ZBTB20: variants seen among roughly 807,000 people sequenced by gnomAD.
The protein encoded by ZBTB20 is zinc finger and BTB domain-containing protein 20.
In ZBTB20, 9 loss-of-function variants were observed where a neutral mutation model predicts 56.9. That is an observed-to-expected ratio of 0.16 (90% confidence interval 0.10 to 0.28). ZBTB20 has a LOEUF of 0.28. Ranked by LOEUF, ZBTB20 falls within the 10% of genes least tolerant of loss-of-function variation. The probability of loss-of-function intolerance (pLI) is 1.00; values close to 1 mark genes in which losing one functional copy is unlikely to be tolerated. For synonymous variants in ZBTB20, 417 were observed against 420.7 expected (o/e 0.99, Z 0.11); for missense variants, 655 against 1,003.0 (o/e 0.65, Z 4.69).
At chr3:115,138,959 G>A (rs1442615161) in intron 1 of ZBTB20, among the ~76,000 whole-genome samples, 4 of 144,202 alleles carry the variant, frequency 2.8e-5, no homozygotes, top group African/African-American at 1.2e-4. Context: ...ACTAAAACCA[G>A]CTTCCCTTAA....
intron 4 of ZBTB20, among the ~76,000 whole-genome samples, chr3:114,859,425 G>T (rs1334033137): frequency 1.4e-5 from 2 of 147,204 alleles, no homozygotes; most frequent in Non-Finnish European, 3.0e-5. Context: ...CTCTCCCTTA[G>T]TTTCTCTCTT....
intron 3 of ZBTB20, among the ~76,000 whole-genome samples, chr3:114,952,638 T>C (rs770595390): frequency 2.6e-5 from 4 of 151,036 alleles, no homozygotes; most frequent in Non-Finnish European, 5.9e-5. Context: ...ATAGAACTGC[T>C]GGAAATTGAA....
At chr3:115,125,293 T>A (rs1466211170) in intron 1 of ZBTB20, among the ~76,000 whole-genome samples, 4 of 151,116 alleles carry the variant, frequency 2.6e-5, no homozygotes, top group African/African-American at 9.8e-5. Flanking sequence ...GAGTGAACCA[T>A]GATTGTGTCA....
intron 3 of ZBTB20, among the ~76,000 whole-genome samples, chr3:114,972,969 T>C (rs779211603): frequency 2.2e-4 from 33 of 152,188 alleles, no homozygotes; most frequent in Non-Finnish European, 2.5e-4. Flanking sequence ...TGAATAAAAA[T>C]AAATAATCTT....
chr3:114,763,562 C>A (rs2108708001), intron 5 of ZBTB20, among the ~76,000 whole-genome samples: 1 of 152,202 alleles, frequency 6.6e-6, no homozygotes, highest in East Asian at 1.9e-4. Flanking sequence ...ATGACACTAA[C>A]TCTGCTACAA....
intron 2 of ZBTB20, among the ~76,000 whole-genome samples, chr3:114,991,727 A>G (rs923365524): frequency 3.3e-5 from 5 of 151,876 alleles, no homozygotes; most frequent in Admixed American, 6.6e-5. Flanking sequence ...CATTATTATT[A>G]TGTGGGAGTC....
intron 2 of ZBTB20, among the ~76,000 whole-genome samples, chr3:115,054,404 C>T (rs995261757): frequency 2.6e-5 from 4 of 152,042 alleles, no homozygotes; most frequent in African/African-American, 4.8e-5. Flanking sequence ...TCACAACCAA[C>T]GTCTTAATAT....
At chr3:114,722,232 AC>A (rs2064970159) in intron 5 of ZBTB20, among the ~76,000 whole-genome samples, 1 of 152,096 alleles carries the variant, frequency 6.6e-6, no homozygotes, top group Non-Finnish European at 1.5e-5. Context: ...ACAGAAAGTT[AC>A]TTTAAACATT....
intron 6 of ZBTB20, among the ~76,000 whole-genome samples, chr3:114,503,113 C>A (rs2044195205): frequency 6.6e-6 from 1 of 151,994 alleles, no homozygotes; most frequent in African/African-American, 2.4e-5. Flanking sequence ...AAGTTGTACC[C>A]AAATTGACTA....
chr3:115,115,865 C>G (rs2108635728), intron 1 of ZBTB20, among the ~76,000 whole-genome samples: 1 of 152,066 alleles, frequency 6.6e-6, no homozygotes, highest in East Asian at 1.9e-4. Flanking sequence ...CATCGCACAC[C>G]ATACACTGAG....
intron 10 of ZBTB20, chr3:114,367,198 ACAGCT>A (rs1252808023): frequency 6.6e-6 from 1 of 152,232 alleles, no homozygotes; most frequent in Non-Finnish European, 1.5e-5. Context: ...AGGAAAATGT[ACAGCT>A]CCTACAATGT....
In ZBTB20 at chr3:114,338,108, C is replaced by G. The variant is rs932739838; in HGVS notation, c.*897G>C. 1.4e-4 allele frequency: 18 copies of G among 132,668 alleles called. No homozygotes were observed. The highest frequency in any genetic ancestry group is 5.1e-4 in the African/African-American group (18 of 35,618). The allele number at this position is 132,668 out of a possible 1,614,324, so 8.2% of individuals were successfully genotyped here. A position where few individuals can be genotyped will look rare whatever the true frequency, so the allele number is the denominator to read the frequency against. ...TATCCTGACACTTTTTTTTTTTTTG[C>G]AAAGATTGTTGGAAATAATCCTTCT... On this transcript the variant is annotated 3_prime_UTR_variant, in exon 12 of 12. Coordinates refer to ENST00000675478, the MANE Select transcript of ZBTB20 (RefSeq NM_001348800.3).
intron 6 of ZBTB20, among the ~76,000 whole-genome samples, chr3:114,642,002 A>G (rs934892226): frequency 1.2e-4 from 18 of 152,052 alleles, no homozygotes; most frequent in African/African-American, 4.3e-4. Context: ...GTTTGTTTAA[A>G]TTGACTATTC....
chr3:114,423,269 G>T (rs1203873363), intron 7 of ZBTB20, among the ~76,000 whole-genome samples: 2 of 152,182 alleles, frequency 1.3e-5, no homozygotes, highest in African/African-American at 2.4e-5. Context: ...TTATTAGTCT[G>T]TAAGGAGTTT....
chr3:115,112,512 T>A (rs1560581683), intron 1 of ZBTB20, among the ~76,000 whole-genome samples: 3 of 152,122 alleles, frequency 2.0e-5, no homozygotes, highest in South Asian at 2.1e-4. Context: ...TCTGCCTCCA[T>A]GAGATCAACA....
chr3:114,911,785 G>A (rs2075549805), intron 3 of ZBTB20, among the ~76,000 whole-genome samples: 1 of 151,816 alleles, frequency 6.6e-6, no homozygotes, highest in Non-Finnish European at 1.5e-5. Flanking sequence ...ACAATACCAA[G>A]TGTACAAAAA....
intron 1 of ZBTB20, among the ~76,000 whole-genome samples, chr3:115,146,966 G>A (rs879742793): frequency 1.3e-5 from 2 of 150,612 alleles, no homozygotes; most frequent in Admixed American, 6.6e-5. Context: ...CGGGCGCTAA[G>A]AAGGGCGCCG....
At chr3:114,795,528 G>A (rs1355376006) in intron 5 of ZBTB20, among the ~76,000 whole-genome samples, 1 of 151,904 alleles carries the variant, frequency 6.6e-6, no homozygotes, top group Non-Finnish European at 1.5e-5. Flanking sequence ...TTTCTGTCTG[G>A]AGCTTTCTCC....
chr3:114,559,311 G>C (rs1022631374), intron 6 of ZBTB20, among the ~76,000 whole-genome samples: 3 of 152,122 alleles, frequency 2.0e-5, no homozygotes, highest in Non-Finnish European at 4.4e-5. Context: ...CTGCACATTA[G>C]GATTAAAAGT....
Sources: gnomAD v4.1 joint callset for allele counts (sites outside exome capture counted in the v4.1 genomes callset) on GRCh38, gnomAD v4.1.1 for gene constraint, MANE v1.5 for transcripts, NCBI Gene and HGNC (gene_info 2026-07-23, HGNC 2026-07-21) for gene names.